The following ANKFN1 variants were observed in gnomAD, a reference collection of about 807,000 sequenced individuals.
ANKFN1 encodes the protein ankyrin repeat and fibronectin type-III domain-containing protein 1.
A neutral mutation model predicts 108.7 loss-of-function variants in ANKFN1; 74 were observed. The ratio of observed to expected loss-of-function variants is 0.68; its 90% CI spans 0.56 to 0.83. ANKFN1 has a LOEUF of 0.83. Ranked by LOEUF, ANKFN1 falls within the 40% of genes least tolerant of loss-of-function variation. The pLI is 0.00. For missense variants in ANKFN1, 1,505 were observed against 1,382.3 expected, an observed-to-expected ratio of 1.09 and a Z score of -1.41; for synonymous variants, 547 against 516.2, an observed-to-expected ratio of 1.06 and a Z score of -0.81.
intron 4 of ANKFN1, among the ~76,000 whole-genome samples, chr17:56,083,941 A>G (rs1289307526): frequency 6.6e-6 from 1 of 151,304 alleles, no homozygotes; most frequent in Non-Finnish European, 1.5e-5. Context: ...AAAGGATTCA[A>G]AGTAAAATGT....
chr17:56,307,456 A>C (rs558512880), intron 3 of ANKFN1, among the ~76,000 whole-genome samples: 18 of 152,374 alleles, frequency 1.2e-4, no homozygotes, highest in African/African-American at 4.1e-4. Flanking sequence ...ACATTTATGC[A>C]GCCAAAAGAC....
intron 20 of ANKFN1, among the ~76,000 whole-genome samples, chr17:56,509,172 C>A (rs942480277): frequency 6.6e-6 from 1 of 152,176 alleles, no homozygotes; most frequent in Non-Finnish European, 1.5e-5. Context: ...TTTATTTAAC[C>A]GTACTCCTAT....
intron 2 of ANKFN1, among the ~76,000 whole-genome samples, chr17:56,213,807 T>C (rs1431320762): frequency 1.3e-5 from 2 of 152,220 alleles, no homozygotes; most frequent in Admixed American, 6.5e-5. Flanking sequence ...GGCTATTTAA[T>C]ATATGCTGAA....
chr17:56,146,117 T>C (rs1187312212), intron 4 of ANKFN1, among the ~76,000 whole-genome samples: 1 of 152,188 alleles, frequency 6.6e-6, no homozygotes, highest in African/African-American at 2.4e-5. Context: ...CATTAAACCT[T>C]AAAGTTCCAG....
At chr17:56,051,727 G>C (rs909784748) in intron 4 of ANKFN1, among the ~76,000 whole-genome samples, 12 of 144,806 alleles carry the variant, frequency 8.3e-5, no homozygotes, top group South Asian at 4.5e-4. Context: ...AAAGTCTCAG[G>C]ATACAAAATC....
At chr17:56,266,589 C>T (rs2043658388) in intron 3 of ANKFN1, among the ~76,000 whole-genome samples, 1 of 152,168 alleles carries the variant, frequency 6.6e-6, no homozygotes, top group African/African-American at 2.4e-5. Context: ...TGTCAGGCTA[C>T]ATGACCTTAG....
intron 4 of ANKFN1, among the ~76,000 whole-genome samples, chr17:56,090,189 T>C (rs1905386331): frequency 6.6e-6 from 1 of 150,958 alleles, no homozygotes; most frequent in South Asian, 2.1e-4. Context: ...CGGAGTGAAA[T>C]GGGGCGCTGT....
intron 3 of ANKFN1, among the ~76,000 whole-genome samples, chr17:56,281,002 C>A (rs1439905822): frequency 6.6e-6 from 1 of 151,914 alleles, no homozygotes; most frequent in African/African-American, 2.4e-5. Context: ...CTCTTGTCTG[C>A]CACCGTGTGA....
In ANKFN1 at chr17:56,487,946, T is replaced by G. The variant is rs764241903; in HGVS notation, c.2261-4241T>G. ...GTACACTCTTAATAGCTCATTGTGA[T>G]GGATGCTTAAGGCATCTGAGGAAAA... is the stretch of plus-strand genomic sequence containing the variant. On this transcript the variant is annotated intron_variant, in intron 18 of 20. Transcript: ENST00000682825. Among the ~76,000 whole-genome samples, 97 of 152,348 alleles carry G rather than the reference T, an allele frequency of 6.4e-4. 1 individual carries two copies. The highest frequency in any genetic ancestry group is 3.4e-3 in the Middle Eastern group (1 of 294).
At chr17:56,048,071 T>C (rs1904711023) in intron 4 of ANKFN1, among the ~76,000 whole-genome samples, 1 of 152,160 alleles carries the variant, frequency 6.6e-6, no homozygotes, top group South Asian at 2.1e-4. Context: ...GTAACTGTGG[T>C]TTAGATATTT....
intron 8 of ANKFN1, among the ~76,000 whole-genome samples, chr17:56,418,573 T>C (rs141092555): frequency 2.0e-5 from 3 of 152,140 alleles, no homozygotes; most frequent in East Asian, 1.9e-4. Context: ...TTAATATATA[T>C]GCGATAATAA....
At chr17:56,442,792 G>A (rs368184860) in intron 9 of ANKFN1, 51 bp from the exon 10 acceptor site, 3 of 1,531,754 alleles carry the variant, frequency 2.0e-6, no homozygotes, top group Non-Finnish European at 2.7e-6. Flanking sequence ...TAGAGTCTAG[G>A]GTAAAAATGA....
intron 3 of ANKFN1, among the ~76,000 whole-genome samples, chr17:56,324,344 T>C (rs1216071671): frequency 2.0e-5 from 3 of 152,214 alleles, no homozygotes. Context: ...GACTAATGAA[T>C]ACATGGATGA....
chr17:56,078,513 G>T (rs897442667), intron 4 of ANKFN1, among the ~76,000 whole-genome samples: 1 of 152,122 alleles, frequency 6.6e-6, no homozygotes, highest in Non-Finnish European at 1.5e-5. Context: ...TAGTCTTTGC[G>T]TATATTGTGT....
At chr17:56,418,890 C>T (rs771828194) in intron 8 of ANKFN1, among the ~76,000 whole-genome samples, 6 of 151,756 alleles carry the variant, frequency 4.0e-5, no homozygotes, top group Admixed American at 6.6e-5. Flanking sequence ...CCAGGATCTG[C>T]GCAATTTGTA....
At chr17:56,456,807 G>A in intron 11 of ANKFN1, 54 bp from the exon 12 acceptor site, 2 of 1,419,282 alleles carry the variant, frequency 1.4e-6, no homozygotes, top group Non-Finnish European at 2.0e-6. Context: ...ATGGAATTGG[G>A]GGTGTTGATC....
chr17:56,514,632 AT>A lies in ANKFN1; in HGVS notation c.*3365del, dbSNP rs1210653591. On this transcript the variant is annotated 3_prime_UTR_variant, in exon 21 of 21. Coordinates refer to ENST00000682825, the MANE Select transcript of ANKFN1 (RefSeq NM_001370326.1). Reference sequence around the variant, plus strand: ...AAGTAGGTACTTAAAGATGAGAGCCATTCCCTTTAAAGAACATTCACTAATG... The same window carrying A: ...AAGTAGGTACTTAAAGATGAGAGCCATCCCTTTAAAGAACATTCACTAATG... Among the ~76,000 whole-genome samples, 11 of 152,234 alleles carry A rather than the reference AT, an allele frequency of 7.2e-5. No homozygotes were observed. The East Asian group carries it at 1.7e-3, about 24-fold the overall frequency.
intron 4 of ANKFN1, among the ~76,000 whole-genome samples, chr17:56,080,010 G>A (rs1487716868): frequency 1.3e-5 from 2 of 152,142 alleles, no homozygotes; most frequent in African/African-American, 2.4e-5. Flanking sequence ...AGAGATGAAT[G>A]TCTGAGAAAC....
At chr17:56,493,272 A>C (rs1466893798) in intron 19 of ANKFN1, among the ~76,000 whole-genome samples, 1 of 152,158 alleles carries the variant, frequency 6.6e-6, no homozygotes, top group Non-Finnish European at 1.5e-5. Context: ...CAAACAAACA[A>C]ACAAATAAGT....
Sources: allele counts gnomAD v4.1 joint callset (sites outside exome capture counted in the v4.1 genomes callset), GRCh38; gene constraint gnomAD v4.1.1; transcripts MANE v1.5; gene names NCBI Gene and HGNC (gene_info 2026-07-23, HGNC 2026-07-21).